The following MAML2 variants were observed in gnomAD, a reference collection of about 807,000 sequenced individuals.
The protein encoded by MAML2 is mastermind like transcriptional coactivator 2, also known as mastermind-like protein 2.
Under a neutral mutation model 96.1 loss-of-function variants are expected in MAML2, and 22 were observed. That is an observed-to-expected ratio of 0.23 (90% CI 0.16 to 0.33). The LOEUF (loss-of-function observed/expected upper bound fraction) is 0.33. Among genes scored for constraint, MAML2 ranks in the 10% least tolerant of loss-of-function variants. MAML2 has a pLI of 1.00. For missense variants in MAML2, 1,367 were observed against 1,392.4 expected, an observed-to-expected ratio of 0.98 and a Z score of 0.29; for synonymous variants, 561 against 521.3, an observed-to-expected ratio of 1.08 and a Z score of -1.04.
At chr11:96,122,398 T>C (rs1167235242) in intron 1 of MAML2, among the ~76,000 whole-genome samples, 1 of 152,050 alleles carries the variant, frequency 6.6e-6, no homozygotes, top group South Asian at 2.1e-4. Flanking sequence ...CCCTACTGTA[T>C]ATGGGTTCTG....
At chr11:96,138,549 G>A (rs1002282823) in intron 1 of MAML2, among the ~76,000 whole-genome samples, 3 of 152,136 alleles carry the variant, frequency 2.0e-5, no homozygotes, top group African/African-American at 4.8e-5. Context: ...CTGCTAATGG[G>A]CGATCTTATT....
chr11:96,092,370 C>T lies in MAML2; in HGVS notation c.1661G>A (p.Gly554Asp). The T allele has an allele frequency of 3.7e-6, 6 of 1,613,728 alleles. 1 individual carries two copies. Among genetic ancestry groups the T allele is most frequent in the Non-Finnish European group, 3.4e-6 (4 of 1,179,796 alleles). The change falls in exon 2 of 5, where the codon GGC becomes GAC. Residue 554 changes from glycine to aspartate, a missense_variant. Transcript: ENST00000524717. The surrounding 1 kb of genome is among the most constrained non-coding windows in gnomAD (Gnocchi z 4.1). Reference sequence around the variant, plus strand: ...AAAATGAAACAAAGGCTTGGTGTTGCCCTGACGGGGCTCCATGGCTGGGTG... The same window carrying T: ...AAAATGAAACAAAGGCTTGGTGTTGTCCTGACGGGGCTCCATGGCTGGGTG... ...NPHPAMEPRQ[G>D]NTKPLFHFNS...
chr11:96,293,674 C>T (rs148122834), intron 1 of MAML2, among the ~76,000 whole-genome samples: 2 of 152,210 alleles, frequency 1.3e-5, no homozygotes, highest in East Asian at 1.9e-4. Flanking sequence ...AGCCAAACAG[C>T]CCACGGAAAC....
At chr11:96,296,527 C>T (rs2135995122) in intron 1 of MAML2, among the ~76,000 whole-genome samples, 1 of 152,246 alleles carries the variant, frequency 6.6e-6, no homozygotes, top group East Asian at 1.9e-4. Flanking sequence ...CCTGTAATCC[C>T]AGCTACTGGG....
At position 96,290,950 on chromosome 11, in the gene MAML2, C is replaced by G. The variant is rs866667851; in HGVS notation, c.513+50433G>C. Among the ~76,000 whole-genome samples the G allele has an allele frequency of 6.4e-4, 97 of 151,968 alleles. 1 individual carries two copies. The highest frequency in any genetic ancestry group is 2.2e-3 in the African/African-American group (93 of 41,416). ...AATGTTTCTGACTCCTTCATCTTAT[C>G]AGGCTTGTCACTTTTTGTATGTAGC... On this transcript the variant is annotated intron_variant, in intron 1 of 4. Coordinates refer to ENST00000524717, the MANE Select transcript of MAML2 (RefSeq NM_032427.4).
chr11:96,129,865 A>G (rs1860517324), intron 1 of MAML2, among the ~76,000 whole-genome samples: 1 of 152,220 alleles, frequency 6.6e-6, no homozygotes, highest in Non-Finnish European at 1.5e-5. Flanking sequence ...AAGTGAGAAC[A>G]TGCAATATTT....
At chr11:96,099,926 G>A (rs747329038) in intron 1 of MAML2, among the ~76,000 whole-genome samples, 2 of 152,120 alleles carry the variant, frequency 1.3e-5, no homozygotes, top group Non-Finnish European at 2.9e-5. Flanking sequence ...ACAAGCATGA[G>A]CCACCATACT....
intron 1 of MAML2, among the ~76,000 whole-genome samples, chr11:96,285,056 C>A (rs770870000): frequency 1.3e-5 from 2 of 152,166 alleles, no homozygotes; most frequent in Non-Finnish European, 2.9e-5. Flanking sequence ...TACTGAGCCA[C>A]AGAGAAAGGT....
At chr11:96,098,458 C>T (rs1175788446) in intron 1 of MAML2, among the ~76,000 whole-genome samples, 2 of 152,184 alleles carry the variant, frequency 1.3e-5, no homozygotes, top group African/African-American at 2.4e-5. Flanking sequence ...ATCTGTGCCC[C>T]ACAATTACGT....
intron 2 of MAML2, among the ~76,000 whole-genome samples, chr11:96,076,813 C>T (rs939183623): frequency 6.6e-6 from 1 of 152,226 alleles, no homozygotes; most frequent in Non-Finnish European, 1.5e-5. Flanking sequence ...CTTCTTGCTG[C>T]TGTCTATAAA....
chr11:96,239,553 G>C (rs1196677541), intron 1 of MAML2, among the ~76,000 whole-genome samples: 1 of 117,998 alleles, frequency 8.5e-6, no homozygotes, highest in Non-Finnish European at 1.7e-5. Flanking sequence ...CTAAATTACT[G>C]TGAATTGATG....
intron 1 of MAML2, among the ~76,000 whole-genome samples, chr11:96,297,604 C>A (rs925905391): frequency 2.0e-5 from 3 of 151,994 alleles, no homozygotes; most frequent in African/African-American, 7.2e-5. Context: ...AAAAAAACAG[C>A]AAACGTAGAG....
chr11:96,096,315 A>G (rs1015709515), intron 1 of MAML2, among the ~76,000 whole-genome samples: 2 of 152,178 alleles, frequency 1.3e-5, no homozygotes, highest in African/African-American at 4.8e-5. Context: ...AATTAGTGAT[A>G]ATTGTATAAT....
intron 1 of MAML2, among the ~76,000 whole-genome samples, chr11:96,189,006 C>T (rs1300225363): frequency 6.6e-6 from 1 of 151,850 alleles, no homozygotes; most frequent in African/African-American, 2.4e-5. Flanking sequence ...ACAAATATTC[C>T]TGGAATTCAG....
chr11:95,983,171 G>C (rs1464168863), intron 4 of MAML2, among the ~76,000 whole-genome samples: 1 of 152,062 alleles, frequency 6.6e-6, no homozygotes, highest in Admixed American at 6.6e-5. Flanking sequence ...CCTTCCAGTG[G>C]GTCAAGATGT....
At chr11:96,094,673 A>G (rs1371171791) in intron 1 of MAML2, among the ~76,000 whole-genome samples, 1 of 152,222 alleles carries the variant, frequency 6.6e-6, no homozygotes, top group East Asian at 1.9e-4. Flanking sequence ...AACATAAAGC[A>G]TTCATCATTC....
intron 1 of MAML2, among the ~76,000 whole-genome samples, chr11:96,291,425 C>A (rs990890423): frequency 2.6e-5 from 4 of 152,098 alleles, no homozygotes; most frequent in Admixed American, 6.6e-5. Context: ...CTGCGCCCGG[C>A]CTTCATAAGC....
chr11:96,112,487 C>T (rs1048515972), intron 1 of MAML2, among the ~76,000 whole-genome samples: 2 of 152,250 alleles, frequency 1.3e-5, no homozygotes, highest in Non-Finnish European at 2.9e-5. Flanking sequence ...GACTAAAATG[C>T]CTGAGCCGCT....
At chr11:96,282,341 TC>T (rs61018728) in intron 1 of MAML2, among the ~76,000 whole-genome samples, 23 of 152,046 alleles carry the variant, frequency 1.5e-4, no homozygotes, top group African/African-American at 5.3e-4. Flanking sequence ...ACAAGAAGAG[TC>T]ACAATGAAAT....
Sources: gnomAD v4.1 joint callset for allele counts (sites outside exome capture counted in the v4.1 genomes callset) on GRCh38, gnomAD v4.1.1 for gene constraint, Gnocchi (gnomAD v3.1) non-coding constraint, MANE v1.5 for transcripts, NCBI Gene and HGNC (gene_info 2026-07-23, HGNC 2026-07-21) for gene names.